The following TENM4 variants were observed in gnomAD, a reference collection of about 807,000 sequenced individuals.
TENM4 encodes the protein teneurin transmembrane protein 4, also known as teneurin-4.
In TENM4, 82 loss-of-function variants were observed where a neutral mutation model predicts 243.3. That is an observed-to-expected ratio of 0.34 (90% CI 0.28 to 0.40). The LOEUF (loss-of-function observed/expected upper bound fraction) is 0.40, where lower values mean the gene tolerates loss of function less well. Ranked by LOEUF, TENM4 falls within the 10% of genes least tolerant of loss-of-function variation. The pLI, the probability that TENM4 is intolerant of heterozygous loss-of-function variation, is 1.00. For synonymous variants in TENM4, 1,412 were observed against 1,456.3 expected, an observed-to-expected ratio of 0.97 and a Z score of 0.69; for missense variants, 3,138 against 3,673.3, an observed-to-expected ratio of 0.85 and a Z score of 3.77.
At chr11:79,012,640 G>A (rs1858674916) in intron 6 of TENM4, among the ~76,000 whole-genome samples, 1 of 152,182 alleles carries the variant, frequency 6.6e-6, no homozygotes, top group African/African-American at 2.4e-5. Flanking sequence ...TATTATCAAG[G>A]TAGTTTGCTG....
chr11:79,161,324 C>T (rs1374536456), intron 3 of TENM4, among the ~76,000 whole-genome samples: 1 of 152,216 alleles, frequency 6.6e-6, no homozygotes, highest in East Asian at 1.9e-4. Flanking sequence ...TTACTAATTT[C>T]TCCTTTTCAT....
intron 1 of TENM4, among the ~76,000 whole-genome samples, chr11:79,337,018 G>A (rs7113816): frequency 6.6e-6 from 1 of 152,230 alleles, no homozygotes; most frequent in South Asian, 2.1e-4. Flanking sequence ...AAATGCAATA[G>A]CCGAGGGGAC....
At chr11:78,903,645 G>T in intron 6 of TENM4, 122 bp from the exon 7 acceptor site, 2 of 1,406,736 alleles carry the variant, frequency 1.4e-6, no homozygotes, top group South Asian at 2.5e-5. Context: ...ACATATTGAT[G>T]CAGTCAATCA....
intron 16 of TENM4, among the ~76,000 whole-genome samples, chr11:78,783,855 T>A (rs1430922217): frequency 6.6e-6 from 1 of 152,214 alleles, no homozygotes; most frequent in Non-Finnish European, 1.5e-5. Context: ...TATAATAATC[T>A]GCTCTGGGAA....
intron 27 of TENM4, among the ~76,000 whole-genome samples, chr11:78,704,094 C>G (rs1859177774): frequency 7.7e-6 from 1 of 130,014 alleles, no homozygotes; most frequent in African/African-American, 3.1e-5. Flanking sequence ...CATACATATA[C>G]ATATGTATGT....
chr11:79,067,290 C>A (rs1252064119), intron 5 of TENM4, among the ~76,000 whole-genome samples: 4 of 152,122 alleles, frequency 2.6e-5, no homozygotes, highest in Non-Finnish European at 5.9e-5. Context: ...AAAGAAAATG[C>A]CAAATTAGAG....
rs1859035574 is a variant in TENM4 at position 79,425,768 on chromosome 11, T to TCTGCCGGC, written c.-321+14740_-321+14741insGCCGGCAG. Among the ~76,000 whole-genome samples, 3 of 152,312 alleles carry TCTGCCGGC rather than the reference T, an allele frequency of 2.0e-5. No homozygotes were observed. The South Asian group carries it at 6.2e-4, about 32-fold the overall frequency. ...TAAGCTCTGTGACATCTCTTTGGTCTCTGCCTGCCTGCCTGCCTCTGGGGT... is the reference window on the plus strand; with the variant it reads ...TAAGCTCTGTGACATCTCTTTGGTCTCTGCCGGCCTGCCTGCCTGCCTGCCTCTGGGGT... On this transcript the variant is annotated intron_variant, in intron 1 of 33. Coordinates refer to ENST00000278550, the MANE Select transcript of TENM4 (RefSeq NM_001098816.3).
intron 3 of TENM4, among the ~76,000 whole-genome samples, chr11:79,208,275 G>A (rs1863889352): frequency 6.6e-6 from 1 of 152,190 alleles, no homozygotes; most frequent in South Asian, 2.1e-4. Context: ...TAAGGCCTTT[G>A]CCTATTTTAG....
Position 78,805,278 on chromosome 11 carries a change from C to CCCCACCCACCA in TENM4, c.2179+13_2179+14insTGGTGGGTGGG. 1 of 1,442,340 alleles carries CCCCACCCACCA rather than the reference C, an allele frequency of 6.9e-7. No individual in the cohort carries two copies. Among genetic ancestry groups the CCCCACCCACCA allele is most frequent in the Non-Finnish European group, 9.4e-7 (1 of 1,063,264 alleles). 89.3% of individuals were successfully genotyped at this position (1,442,340 alleles called of 1,614,324 possible). A position where few individuals can be genotyped will look rare whatever the true frequency, so the allele number is the denominator to read the frequency against. On this transcript the variant is annotated intron_variant, in intron 15 of 33. Coordinates refer to ENST00000278550, the MANE Select transcript of TENM4 (RefSeq NM_001098816.3). ...CCCTCCCTCTACCCATGCTTCTTCT[C>CCCCACCCACCA]CCCCTGCATTTACCGATAGAACAGT...
intron 6 of TENM4, among the ~76,000 whole-genome samples, chr11:78,934,918 G>C (rs1856750186): frequency 6.6e-6 from 1 of 151,544 alleles, no homozygotes; most frequent in Non-Finnish European, 1.5e-5. Flanking sequence ...ATGCAGGAGG[G>C]GGTTGTGTTT....
rs991760689 is a variant in TENM4 at position 78,814,462 on chromosome 11, C to T, written c.1682-67G>A. ...TTACCCAAACAGAGAGCCCAGGAATCAAGCTTTAGGTTAGCCAAGACCCAC... is the reference window on the plus strand; with the variant it reads ...TTACCCAAACAGAGAGCCCAGGAATTAAGCTTTAGGTTAGCCAAGACCCAC... On this transcript the variant is annotated intron_variant, in intron 12 of 33. Transcript: ENST00000278550. The T allele has an allele frequency of 4.2e-6, 6 of 1,414,252 alleles. No individual in the cohort carries two copies. In the East Asian group the frequency reaches 1.5e-4, roughly 36 times the overall value. 87.6% of individuals were successfully genotyped at this position (1,414,252 alleles called of 1,614,324 possible).
At chr11:79,135,735 T>C (rs1438524959) in intron 4 of TENM4, among the ~76,000 whole-genome samples, 4 of 137,712 alleles carry the variant, frequency 2.9e-5, no homozygotes, top group Admixed American at 1.5e-4. Context: ...ATATATGATA[T>C]ATACATCATA....
intron 6 of TENM4, among the ~76,000 whole-genome samples, chr11:79,018,360 A>G (rs1435173527): frequency 6.6e-6 from 1 of 152,118 alleles, no homozygotes; most frequent in Non-Finnish European, 1.5e-5. Context: ...CTGATAGGCC[A>G]GGGGTAATCT....
intron 19 of TENM4, among the ~76,000 whole-genome samples, chr11:78,742,020 C>T (rs1011425535): frequency 6.6e-6 from 1 of 152,168 alleles, no homozygotes; most frequent in African/African-American, 2.4e-5. Flanking sequence ...GTCACCACCT[C>T]AGTAAGGTTG....
intron 6 of TENM4, among the ~76,000 whole-genome samples, chr11:79,046,720 T>C (rs1859669353): frequency 6.6e-6 from 1 of 152,136 alleles, no homozygotes; most frequent in South Asian, 2.1e-4. Context: ...GGCAACCCAC[T>C]GGAGCTAGGA....
intron 6 of TENM4, among the ~76,000 whole-genome samples, chr11:79,058,314 C>T (rs370823330): frequency 3.9e-5 from 6 of 152,128 alleles, no homozygotes; most frequent in African/African-American, 1.2e-4. Context: ...GAGGCTGAGA[C>T]GGGCAGATCA....
intron 4 of TENM4, among the ~76,000 whole-genome samples, chr11:79,071,043 T>G (rs1237341586): frequency 6.6e-6 from 1 of 152,096 alleles, no homozygotes; most frequent in Non-Finnish European, 1.5e-5. Flanking sequence ...CTAATAGCCC[T>G]TTCTCCTCTT....
At chr11:78,696,985 G>C (rs974184533) in intron 28 of TENM4, among the ~76,000 whole-genome samples, 1 of 152,194 alleles carries the variant, frequency 6.6e-6, no homozygotes, top group African/African-American at 2.4e-5. Flanking sequence ...GATGGAAGAT[G>C]AGGTGAGCAG....
intron 27 of TENM4, among the ~76,000 whole-genome samples, chr11:78,702,872 G>A (rs59169057): frequency 0.018 from 2,740 of 152,300 alleles, 74 homozygotes; most frequent in African/African-American, 0.063. Context: ...GATGGAGTCT[G>A]GAGGCTGAAG....
Sources: allele counts gnomAD v4.1 joint callset (sites outside exome capture counted in the v4.1 genomes callset), GRCh38; gene constraint gnomAD v4.1.1; transcripts MANE v1.5; gene names NCBI Gene and HGNC (gene_info 2026-07-23, HGNC 2026-07-21).